OPRM1: variants seen among roughly 807,000 people sequenced by gnomAD.
The protein encoded by OPRM1 is opioid receptor mu 1, also known as mu-type opioid receptor.
Under a neutral mutation model 31.8 loss-of-function variants are expected in OPRM1, and 27 were observed. The ratio of observed to expected loss-of-function variants is 0.85; its 90% CI spans 0.63 to 1.17. The LOEUF (loss-of-function observed/expected upper bound fraction) is 1.17, where lower values mean the gene tolerates loss of function less well. Ranked by LOEUF, OPRM1 falls within the 50% of genes most tolerant of loss-of-function variation. OPRM1 has a pLI of 0.00. For missense variants in OPRM1, 536 were observed against 511.1 expected, an observed-to-expected ratio of 1.05 and a Z score of -0.47; for synonymous variants, 196 against 189.9, an observed-to-expected ratio of 1.03 and a Z score of -0.26.
chr6:154,101,414 C>A (rs1043193911), intron 3 of OPRM1, among the ~76,000 whole-genome samples: 2 of 152,172 alleles, frequency 1.3e-5, no homozygotes, highest in Non-Finnish European at 2.9e-5. Context: ...ATGGGAGGAA[C>A]AATTCTCTCA....
At chr6:154,194,070 C>T (rs1776382082) in intron 3 of OPRM1, among the ~76,000 whole-genome samples, 1 of 152,168 alleles carries the variant, frequency 6.6e-6, no homozygotes, top group Non-Finnish European at 1.5e-5. Context: ...ACGCCCAGGG[C>T]AGATCACTGT....
chr6:154,083,943 C>CAAAAAA (rs57976654), intron 1 of OPRM1, among the ~76,000 whole-genome samples: 2 of 35,158 alleles, frequency 5.7e-5, no homozygotes, highest in Admixed American at 3.4e-4. Context: ...GACTCCGTCT[C>CAAAAAA]AAAAAAAAAA....
chr6:154,192,196 TA>T (rs1234022780), intron 3 of OPRM1, among the ~76,000 whole-genome samples: 1 of 152,214 alleles, frequency 6.6e-6, no homozygotes, highest in Non-Finnish European at 1.5e-5. Flanking sequence ...AATTGCTTTC[TA>T]AATTGGTTCC....
chr6:154,093,487 C>A (rs1218484989), intron 3 of OPRM1: 3 of 1,608,770 alleles, frequency 1.9e-6, no homozygotes, highest in African/African-American at 1.3e-5. Context: ...CCCTTGACTC[C>A]CTTCCAAATT....
At chr6:154,077,737 T>C (rs1407580263) in intron 1 of OPRM1, among the ~76,000 whole-genome samples, 2 of 151,476 alleles carry the variant, frequency 1.3e-5, no homozygotes, top group East Asian at 3.9e-4. Context: ...TCTAAAAAAA[T>C]AATTAATTAA....
chr6:154,245,023 G>A (rs192864357), intron 3 of OPRM1, among the ~76,000 whole-genome samples: 68 of 152,300 alleles, frequency 4.5e-4, no homozygotes, highest in Non-Finnish European at 8.7e-4. Flanking sequence ...ACAAGAAAGA[G>A]ACATTTATAT....
chr6:154,234,976 G>A (rs973304990), intron 3 of OPRM1, among the ~76,000 whole-genome samples: 10 of 152,108 alleles, frequency 6.6e-5, no homozygotes, highest in African/African-American at 9.7e-5. Flanking sequence ...AACCCCAAAT[G>A]TGCTACTGTT....
At chr6:154,231,823 T>A (rs1199795608) in intron 3 of OPRM1, among the ~76,000 whole-genome samples, 2 of 152,222 alleles carry the variant, frequency 1.3e-5, no homozygotes, top group African/African-American at 4.8e-5. Context: ...GGTACATGAT[T>A]GATTTTTTAA....
intron 3 of OPRM1, among the ~76,000 whole-genome samples, chr6:154,192,886 G>A (rs1294605165): frequency 1.3e-5 from 2 of 152,112 alleles, no homozygotes; most frequent in Admixed American, 1.3e-4. Context: ...GTGTGGAGGT[G>A]GTGAACAGGG....
intron 3 of OPRM1, among the ~76,000 whole-genome samples, chr6:154,097,035 T>G (rs151267403): frequency 5.3e-4 from 80 of 152,350 alleles, no homozygotes; most frequent in African/African-American, 1.8e-3. Flanking sequence ...GTCAAGCTGA[T>G]TGACATGAAT....
chr6:154,026,696 C>G (rs943107755), intron 1 of OPRM1, among the ~76,000 whole-genome samples: 6 of 152,128 alleles, frequency 3.9e-5, no homozygotes, highest in African/African-American at 1.4e-4. Flanking sequence ...TTCAAGCTCA[C>G]TAATTCTTTC....
Position 154,152,347 on chromosome 6 carries a change from G to GAAAGAAAAGAAAGAAAGAAAGAAA in OPRM1, c.1164+60875_1164+60876insAAAGAAAAGAAAGAAAGAAAGAAA. On this transcript the variant is annotated intron_variant, in intron 3 of 3. Coordinates refer to the OPRM1 transcript ENST00000337049. ...AGAAAGAAAGAAAGAAAGAAAGAAA[G>GAAAGAAAAGAAAGAAAGAAAGAAA]GAAAGAAAGAAAGAAAGAAAGAAAG... Among the ~76,000 whole-genome samples the GAAAGAAAAGAAAGAAAGAAAGAAA allele has an allele frequency of 1.0e-3, 65 of 65,202 alleles. 1 individual carries two copies. Among genetic ancestry groups the GAAAGAAAAGAAAGAAAGAAAGAAA allele is most frequent in the Middle Eastern group, 6.4e-3 (1 of 156 alleles). 42.8% of individuals were successfully genotyped at this position (65,202 alleles called of 152,430 possible). A position where few individuals can be genotyped will look rare whatever the true frequency, so the allele number is the denominator to read the frequency against.
chr6:154,031,642 G>A (rs779999486), intron 1 of OPRM1, among the ~76,000 whole-genome samples: 1 of 152,150 alleles, frequency 6.6e-6, no homozygotes, highest in Admixed American at 6.5e-5. Context: ...TAGCGAGGCT[G>A]AGGCAAGAGA....
Position 154,130,485 on chromosome 6 carries a change from C to T in OPRM1, c.*11764C>T, listed in dbSNP as rs1000197095. Among the ~76,000 whole-genome samples the T allele has an allele frequency of 2.0e-5, 3 of 151,954 alleles. No individual in the cohort carries two copies. Among genetic ancestry groups the T allele is most frequent in the Non-Finnish European group, 4.4e-5 (3 of 67,978 alleles). On this transcript the variant is annotated 3_prime_UTR_variant, in exon 4 of 4. Transcript: ENST00000330432. The stretch of plus-strand genomic sequence containing the variant: ...GCCTGGCCAGAAATGTTTAAAATTT[C>T]ATAAATCTTGAATCCATAAAATTCA...
At chr6:154,203,649 A>G (rs976067850) in intron 3 of OPRM1, among the ~76,000 whole-genome samples, 3 of 152,168 alleles carry the variant, frequency 2.0e-5, no homozygotes, top group African/African-American at 7.2e-5. Context: ...TCCTGGAACT[A>G]AACCCCCACA....
At chr6:154,229,019 T>G (rs930306669) in intron 3 of OPRM1, among the ~76,000 whole-genome samples, 2 of 152,232 alleles carry the variant, frequency 1.3e-5, no homozygotes, top group African/African-American at 4.8e-5. Flanking sequence ...TCAACTTAGG[T>G]GTGACCATTT....
chr6:154,030,929 AC>A (rs67895434), intron 1 of OPRM1, among the ~76,000 whole-genome samples: 20,361 of 152,214 alleles, frequency 0.13, 1,458 homozygotes, highest in Non-Finnish European at 0.17. Context: ...AAGACAAGTT[AC>A]ATTAGCACTG....
chr6:154,189,649 G>A (rs1801690212), intron 3 of OPRM1, among the ~76,000 whole-genome samples: 1 of 152,160 alleles, frequency 6.6e-6, no homozygotes, highest in Non-Finnish European at 1.5e-5. Flanking sequence ...CATTACACTA[G>A]TATAATGAAT....
intron 3 of OPRM1, among the ~76,000 whole-genome samples, chr6:154,152,347 G>GAAAGAAAGAAAGAAAA: frequency 2.0e-4 from 13 of 65,200 alleles, no homozygotes; most frequent in East Asian, 1.8e-3. Flanking sequence ...AAGAAAGAAA[G>GAAAGAAAGAAAGAAAA]GAAAGAAAGA....
Sources: allele counts gnomAD v4.1 joint callset (sites outside exome capture counted in the v4.1 genomes callset), GRCh38; gene constraint gnomAD v4.1.1; transcripts MANE v1.5; gene names NCBI Gene and HGNC (gene_info 2026-07-23, HGNC 2026-07-21).